UGT1A3: variants seen among roughly 807,000 people sequenced by gnomAD.
UGT1A3 encodes UDP-glucuronosyltransferase 1A3.
A neutral mutation model predicts 41.0 loss-of-function variants in UGT1A3; 31 were observed. The observed-to-expected ratio is 0.76, with a 90% CI of 0.57 to 1.02. The LOEUF (loss-of-function observed/expected upper bound fraction) is 1.02. Ranked by LOEUF, UGT1A3 falls within the 50% of genes least tolerant of loss-of-function variation. The pLI, the probability that UGT1A3 is intolerant of heterozygous loss-of-function variation, is 0.00. For synonymous variants in UGT1A3, 262 were observed against 257.6 expected, an observed-to-expected ratio of 1.02 and a Z score of -0.17; for missense variants, 737 against 671.0, an observed-to-expected ratio of 1.10 and a Z score of -1.09.
At chr2:233,767,701 T>C in intron 2 of UGT1A3, 148 bp from the exon 3 acceptor site, 1 of 1,506,270 alleles carries the variant, frequency 6.6e-7, no homozygotes, top group Admixed American at 2.1e-5. Flanking sequence ...AAGTTGCCAG[T>C]CCTCAGAAGC....
At chr2:233,764,490 G>A (rs1698574986) in intron 1 of UGT1A3, among the ~76,000 whole-genome samples, 2 of 152,164 alleles carry the variant, frequency 1.3e-5, no homozygotes, top group South Asian at 4.1e-4. Flanking sequence ...AATGTTTATG[G>A]ACCTGTGGGT....
intron 1 of UGT1A3, among the ~76,000 whole-genome samples, chr2:233,762,570 C>A (rs1698104527): frequency 6.6e-6 from 1 of 152,154 alleles, no homozygotes; most frequent in South Asian, 2.1e-4. Flanking sequence ...TAGTCTAGTT[C>A]CCCACAGAGG....
intron 1 of UGT1A3, among the ~76,000 whole-genome samples, chr2:233,735,934 C>T (rs2078711337): frequency 6.6e-6 from 1 of 152,038 alleles, no homozygotes; most frequent in South Asian, 2.1e-4. Context: ...TCTGTGGCTG[C>T]CCTTAACATT....
chr2:233,765,829 A>G (rs1183192876), intron 1 of UGT1A3, among the ~76,000 whole-genome samples: 1 of 152,104 alleles, frequency 6.6e-6, no homozygotes, highest in East Asian at 1.9e-4. Flanking sequence ...TGAAACAGGA[A>G]AACTTTCCTT....
intron 1 of UGT1A3, among the ~76,000 whole-genome samples, chr2:233,737,049 A>G (rs2078837950): frequency 1.3e-5 from 2 of 152,210 alleles, no homozygotes; most frequent in Admixed American, 6.5e-5. Context: ...ATGCCATACT[A>G]GGAGAACGAG....
chr2:233,729,458 T>G lies in UGT1A3; in HGVS notation c.332T>G (p.Phe111Cys). Residue 111 changes from phenylalanine to cysteine, a missense_variant, in exon 1 of 5, where the codon TTC (phenylalanine) becomes TGC (cysteine). Physicochemically the swap from Phe to Cys is radical, Grantham distance 205. Coordinates refer to ENST00000482026, the MANE Select transcript of UGT1A3 (RefSeq NM_019093.4). ...ACAGAACATTTTCTGAAGAAATTTT[T>G]CAGAAGTATGGCAATGTTGAACAAT... ...FETEHFLKKF[F>C]RSMAMLNNMS... The G allele has an allele frequency of 6.2e-7, 1 of 1,614,110 alleles. No individual in the cohort carries two copies. The highest frequency in any genetic ancestry group is 8.5e-7 in the Non-Finnish European group (1 of 1,179,986).
chr2:233,757,680 A>G (rs1575754544), intron 1 of UGT1A3, among the ~76,000 whole-genome samples: 1 of 151,598 alleles, frequency 6.6e-6, no homozygotes, highest in South Asian at 2.1e-4. Context: ...AAGGAATTCA[A>G]GGGATTCAAG....
chr2:233,745,134 A>C (rs1693022664), intron 1 of UGT1A3, among the ~76,000 whole-genome samples: 1 of 151,864 alleles, frequency 6.6e-6, no homozygotes, highest in Admixed American at 6.5e-5. Context: ...TGCAGATGTG[A>C]AGCCCAAGTA....
chr2:233,747,408 A>C, intron 1 of UGT1A3: 1 of 1,607,228 alleles, frequency 6.2e-7, no homozygotes. Flanking sequence ...CCCAGAGGTG[A>C]ATATGCACAT....
chr2:233,768,183 A>T (rs753962326), intron 3 of UGT1A3, 37 bp from the exon 4 acceptor site: 2 of 1,614,004 alleles, frequency 1.2e-6, no homozygotes, highest in Admixed American at 3.3e-5. Context: ...AAACTCAGAG[A>T]TGTAACTGCT....
At chr2:233,763,222 T>C (rs1031728424) in intron 1 of UGT1A3, among the ~76,000 whole-genome samples, 2 of 152,230 alleles carry the variant, frequency 1.3e-5, no homozygotes, top group African/African-American at 4.8e-5. Context: ...GGTGTGAAAA[T>C]ATGTTTTTAA....
intron 1 of UGT1A3, among the ~76,000 whole-genome samples, chr2:233,759,835 C>T (rs1697265176): frequency 6.6e-6 from 1 of 152,172 alleles, no homozygotes; most frequent in African/African-American, 2.4e-5. Flanking sequence ...GTGGAGTGGG[C>T]ACTCTTACAG....
In UGT1A3 at chr2:233,743,247, C is replaced by T. The variant is rs569147758; in HGVS notation, c.867+13254C>T. The T allele has an allele frequency of 9.0e-4, 388 of 431,248 alleles. 10 individuals are homozygous for T. The highest frequency in any genetic ancestry group is 7.4e-3 in the African/African-American group (352 of 47,686). 26.7% of individuals were successfully genotyped at this position (431,248 alleles called of 1,614,324 possible). ...CTATTTATTATGAAGGACTTTAACTCAACTCTCCATCTTCCTCCACTTCCA... is the reference window on the plus strand; with the variant it reads ...CTATTTATTATGAAGGACTTTAACTTAACTCTCCATCTTCCTCCACTTCCA... On this transcript the variant is annotated intron_variant, in intron 1 of 4. Transcript: ENST00000482026.
chr2:233,752,825 T>C (rs1254190294), intron 1 of UGT1A3, among the ~76,000 whole-genome samples: 1 of 152,218 alleles, frequency 6.6e-6, no homozygotes, highest in African/African-American at 2.4e-5. Context: ...ATTTATGACA[T>C]CAGTAATCTA....
chr2:233,762,371 A>G (rs1296982558), intron 1 of UGT1A3, among the ~76,000 whole-genome samples: 2 of 152,236 alleles, frequency 1.3e-5, no homozygotes, highest in Non-Finnish European at 2.9e-5. Flanking sequence ...TTACATACCA[A>G]TATGTATATA....
intron 2 of UGT1A3, 64 bp downstream of exon 2, chr2:233,767,229 A>T (rs1699343711): frequency 6.2e-7 from 1 of 1,610,454 alleles, no homozygotes; most frequent in South Asian, 1.1e-5. Context: ...CCAGACTTCC[A>T]GCTTCCAGAT....
chr2:233,767,818 C>G lies in UGT1A3; in HGVS notation c.1000-31C>G, dbSNP rs766005162. On this transcript the variant is annotated intron_variant, in intron 2 of 4. Coordinates refer to ENST00000482026, the MANE Select transcript of UGT1A3 (RefSeq NM_019093.4). ...GTTTTCTAATCATATTATGTTCTTT[C>G]TTTACGTTCTGCTCTTTTTGCCCCT... The G allele has an allele frequency of 1.9e-6, 3 of 1,614,028 alleles. No homozygotes were observed. In the South Asian group the frequency reaches 3.3e-5, roughly 18 times the overall value.
intron 1 of UGT1A3, chr2:233,754,324 G>A (rs1695452897): frequency 4.1e-6 from 1 of 246,506 alleles, no homozygotes; most frequent in South Asian, 5.3e-5. Context: ...TCTGCCTCAG[G>A]CTTAAGTTTA....
chr2:233,761,750 G>A (rs1428006312), intron 1 of UGT1A3, among the ~76,000 whole-genome samples: 1 of 152,244 alleles, frequency 6.6e-6, no homozygotes, highest in Non-Finnish European at 1.5e-5. Context: ...AGAGTTTGAA[G>A]TATGCAAAAA....
Sources: gnomAD v4.1 joint callset for allele counts (sites outside exome capture counted in the v4.1 genomes callset) on GRCh38, gnomAD v4.1.1 for gene constraint, MANE v1.5 for transcripts, NCBI Gene and HGNC (gene_info 2026-07-23, HGNC 2026-07-21) for gene names.